Variants in RPF2 observed in about 807,000 individuals in gnomAD.
RPF2 encodes the protein brix domain containing 1.
A neutral mutation model predicts 38.9 loss-of-function variants in RPF2; 21 were observed. The ratio of observed to expected loss-of-function variants is 0.54; its 90% CI spans 0.38 to 0.78. The LOEUF (loss-of-function observed/expected upper bound fraction) is 0.78. Ranked by LOEUF, RPF2 falls within the 30% of genes least tolerant of loss-of-function variation. The pLI is 0.00. For synonymous variants in RPF2, 121 were observed against 126.2 expected (o/e 0.96, Z 0.28); for missense variants, 314 against 358.1 (o/e 0.88, Z 0.99).
intron 5 of RPF2, 52 bp from the exon 6 acceptor site, chr6:110,999,659 T>A: frequency 8.5e-7 from 1 of 1,172,086 alleles, no homozygotes; most frequent in Non-Finnish European, 1.3e-6. Context: ...TGGGTATATG[T>A]AAGGTGGCTC....
intron 8 of RPF2, among the ~76,000 whole-genome samples, chr6:111,023,307 T>C (rs1279331855): frequency 6.6e-6 from 1 of 152,238 alleles, no homozygotes; most frequent in East Asian, 1.9e-4. Flanking sequence ...GGTTTTGTTA[T>C]TTTAAGATTT....
intron 6 of RPF2, 131 bp downstream of exon 6, chr6:110,999,918 G>A (rs1771785422): frequency 9.1e-6 from 5 of 548,176 alleles, no homozygotes; most frequent in Admixed American, 6.2e-5. Flanking sequence ...CATGCTCCAG[G>A]ATAAAAATAC....
In RPF2 at chr6:111,025,510, G is replaced by T; in HGVS notation, c.849G>T (p.Gly283=). 1.9e-6 allele frequency: 3 copies of T among 1,613,758 alleles called. No homozygotes were observed. Among genetic ancestry groups the T allele is most frequent in the Non-Finnish European group, 2.5e-6 (3 of 1,179,912 alleles). Reference sequence around the variant, plus strand: ...AACTACAAACCAGGAAAATGAAGGGGTTGAAGAAGCGACCTGCAGAAAGGA... The same window carrying T: ...AACTACAAACCAGGAAAATGAAGGGTTTGAAGAAGCGACCTGCAGAAAGGA... ...LSKLQTRKMK[G]LKKRPAERIT... is the part of the protein sequence containing the mutation. The change falls in exon 10 of 10, where the codon GGG becomes GGT. Residue 283 remains glycine (G), a synonymous_variant. Transcript: ENST00000441448.
At chr6:111,012,835 A>G (rs1583272034) in intron 7 of RPF2, among the ~76,000 whole-genome samples, 1 of 152,098 alleles carries the variant, frequency 6.6e-6, no homozygotes, top group African/African-American at 2.4e-5. Context: ...ATGCCTGGAT[A>G]ATTTTTGTAT....
intron 2 of RPF2, among the ~76,000 whole-genome samples, chr6:110,987,730 C>CTTT (rs1443448339): frequency 2.0e-5 from 3 of 152,166 alleles, no homozygotes; most frequent in African/African-American, 7.2e-5. Context: ...TTCACCAACT[C>CTTT]TGATAGTTGA....
intron 8 of RPF2, among the ~76,000 whole-genome samples, chr6:111,018,931 T>C (rs554280041): frequency 6.6e-6 from 1 of 152,170 alleles, no homozygotes; most frequent in Non-Finnish European, 1.5e-5. Context: ...AAAAAAGTAC[T>C]CAGGACGGAC....
intron 8 of RPF2, among the ~76,000 whole-genome samples, chr6:111,022,935 G>T (rs1394209610): frequency 6.6e-6 from 1 of 152,250 alleles, no homozygotes; most frequent in Non-Finnish European, 1.5e-5. Flanking sequence ...GTCTCGCCCT[G>T]TCGCCCAGAC....
In RPF2 at chr6:111,028,047, GTTAT is replaced by G. The variant is rs1446199630; in HGVS notation, c.*2468_*2471del. The stretch of plus-strand genomic sequence containing the variant: ...TTTGGTAGATGAGGAAAGCATTTTG[GTTAT>G]TTGTTTTGTTTTAAATACCAAATTT... On this transcript the variant is annotated 3_prime_UTR_variant, in exon 10 of 10. Coordinates refer to ENST00000441448, the MANE Select transcript of RPF2 (RefSeq NM_032194.3). 1 of 151,868 alleles carries G rather than the reference GTTAT, an allele frequency of 6.6e-6. No individual in the cohort carries two copies. The allele number at this position is 151,868 out of a possible 1,614,324, so 9.4% of individuals were successfully genotyped here.
chr6:110,990,066 G>A (rs1336679187), intron 3 of RPF2, among the ~76,000 whole-genome samples: 1 of 151,942 alleles, frequency 6.6e-6, no homozygotes, highest in Non-Finnish European at 1.5e-5. Flanking sequence ...AACCTCCCGA[G>A]TAACTGGGAT....
intron 2 of RPF2, among the ~76,000 whole-genome samples, chr6:110,985,381 A>C (rs1028107036): frequency 3.3e-5 from 5 of 152,334 alleles, no homozygotes; most frequent in African/African-American, 9.6e-5. Flanking sequence ...GGTAGAGTGA[A>C]GGTCTCCCTT....
intron 8 of RPF2, among the ~76,000 whole-genome samples, chr6:111,022,935 G>C (rs1394209610): frequency 6.6e-6 from 1 of 152,250 alleles, no homozygotes; most frequent in Admixed American, 6.5e-5. Flanking sequence ...GTCTCGCCCT[G>C]TCGCCCAGAC....
chr6:111,006,532 C>T (rs1480838108), intron 6 of RPF2, among the ~76,000 whole-genome samples: 1 of 152,040 alleles, frequency 6.6e-6, no homozygotes, highest in African/African-American at 2.4e-5. Flanking sequence ...CCACTGTGCC[C>T]AGCCCATAGC....
chr6:110,984,442 AT>A (rs1263228871), intron 1 of RPF2, among the ~76,000 whole-genome samples: 1 of 152,238 alleles, frequency 6.6e-6, no homozygotes, highest in Non-Finnish European at 1.5e-5. Flanking sequence ...AAGAGCAGTA[AT>A]AAAAGAATGG....
At chr6:111,016,578 CAG>C (rs1772112525) in intron 8 of RPF2, among the ~76,000 whole-genome samples, 1 of 143,514 alleles carries the variant, frequency 7.0e-6, no homozygotes, top group East Asian at 2.4e-4. Flanking sequence ...GCCTGGGCAA[CAG>C]AGTGAGGGCG....
intron 4 of RPF2, among the ~76,000 whole-genome samples, chr6:110,995,188 A>G (rs1303460347): frequency 1.3e-5 from 2 of 152,144 alleles, no homozygotes; most frequent in African/African-American, 2.4e-5. Context: ...GACAGGCAAG[A>G]GCCACCACAC....
chr6:111,021,327 A>G (rs1175351223), intron 8 of RPF2, among the ~76,000 whole-genome samples: 2 of 152,204 alleles, frequency 1.3e-5, no homozygotes, highest in Non-Finnish European at 2.9e-5. Context: ...CTAGTATGTA[A>G]TTTTGATCAC....
At chr6:111,018,200 G>A (rs1328289035) in intron 8 of RPF2, among the ~76,000 whole-genome samples, 8 of 144,812 alleles carry the variant, frequency 5.5e-5, no homozygotes, top group East Asian at 1.9e-4. Flanking sequence ...GGGGGAGACC[G>A]GGGAGGGGGA....
chr6:110,982,070 C>T lies in RPF2; in HGVS notation c.-37C>T. 5.6e-6 allele frequency: 9 copies of T among 1,613,636 alleles called. No homozygotes were observed. The highest frequency in any genetic ancestry group is 7.6e-6 in the Non-Finnish European group (9 of 1,179,546). ...CGCACGTAATCGCCGAGGGCACGTG[C>T]ATGCCCCCTGGTTAAGAGTTGCAGG... is the stretch of plus-strand genomic sequence containing the variant. On this transcript the variant is annotated 5_prime_UTR_variant, in exon 1 of 10. Transcript: ENST00000441448.
intron 8 of RPF2, among the ~76,000 whole-genome samples, chr6:111,017,657 C>T (rs1452734425): frequency 6.7e-6 from 1 of 150,286 alleles, no homozygotes; most frequent in African/African-American, 2.5e-5. Flanking sequence ...AGACGATGGG[C>T]GGCCGGGCAG....
Sources: gnomAD v4.1 joint callset for allele counts (sites outside exome capture counted in the v4.1 genomes callset) on GRCh38, gnomAD v4.1.1 for gene constraint, MANE v1.5 for transcripts, NCBI Gene and HGNC (gene_info 2026-07-23, HGNC 2026-07-21) for gene names.